The following MGAT4C variants were observed in gnomAD, a reference collection of about 807,000 sequenced individuals.
MGAT4C encodes MGAT4 family member C.
In MGAT4C, 19 loss-of-function variants were observed where a neutral mutation model predicts 40.1. The observed-to-expected ratio is 0.47, with a 90% CI of 0.33 to 0.70. The LOEUF is 0.70. Ranked by LOEUF, MGAT4C falls within the 30% of genes least tolerant of loss-of-function variation. The pLI is 0.02. For missense variants in MGAT4C, 491 were observed against 563.2 expected (o/e 0.87, Z 1.30); for synonymous variants, 181 against 187.1 (o/e 0.97, Z 0.27).
At chr12:86,683,705 C>T (rs1270654561) in intron 2 of MGAT4C, among the ~76,000 whole-genome samples, 1 of 152,156 alleles carries the variant, frequency 6.6e-6, no homozygotes, top group Non-Finnish European at 1.5e-5. Context: ...ACTCACTCTC[C>T]CAATCCCTTG....
At chr12:86,169,811 C>G (rs1021618865) in intron 1 of MGAT4C, among the ~76,000 whole-genome samples, 1 of 152,030 alleles carries the variant, frequency 6.6e-6, no homozygotes, top group Admixed American at 6.6e-5. Flanking sequence ...CAAAAACTAC[C>G]AAAGCCCAGA....
chr12:86,286,646 G>T (rs145413260), intron 4 of MGAT4C, among the ~76,000 whole-genome samples: 4 of 152,198 alleles, frequency 2.6e-5, no homozygotes, highest in African/African-American at 7.2e-5. Context: ...TTGGTAAATT[G>T]TGTGCTGCAG....
chr12:86,449,819 A>G (rs1957395158), intron 2 of MGAT4C, among the ~76,000 whole-genome samples: 1 of 152,132 alleles, frequency 6.6e-6, no homozygotes, highest in South Asian at 2.1e-4. Flanking sequence ...ACCACATCTA[A>G]TTTACCCATT....
chr12:86,411,547 A>G (rs928822171), intron 3 of MGAT4C, among the ~76,000 whole-genome samples: 1 of 152,190 alleles, frequency 6.6e-6, no homozygotes, highest in Non-Finnish European at 1.5e-5. Context: ...AACATTCAAG[A>G]TATATCCTGG....
At chr12:86,784,814 A>G (rs999721089) in intron 1 of MGAT4C, among the ~76,000 whole-genome samples, 1 of 152,030 alleles carries the variant, frequency 6.6e-6, no homozygotes, top group African/African-American at 2.4e-5. Flanking sequence ...CATACCTGTT[A>G]CTTAAAGGGT....
chr12:86,399,517 G>A (rs1190558489), intron 3 of MGAT4C, among the ~76,000 whole-genome samples: 3 of 152,070 alleles, frequency 2.0e-5, no homozygotes, highest in Non-Finnish European at 4.4e-5. Context: ...TCCTGACCTC[G>A]TGATCTGCCT....
chr12:86,020,578 C>A (rs564800812), intron 2 of MGAT4C, among the ~76,000 whole-genome samples: 1 of 152,148 alleles, frequency 6.6e-6, no homozygotes, highest in East Asian at 1.9e-4. Context: ...TTTACACAAA[C>A]ATTAATTCAA....
intron 1 of MGAT4C, among the ~76,000 whole-genome samples, chr12:86,144,163 T>C (rs1268296072): frequency 6.6e-6 from 1 of 152,234 alleles, no homozygotes; most frequent in African/African-American, 2.4e-5. Flanking sequence ...TTTACGTTTT[T>C]TACATAAGCC....
At chr12:86,203,339 T>C (rs1325464470) in intron 1 of MGAT4C, among the ~76,000 whole-genome samples, 1 of 152,134 alleles carries the variant, frequency 6.6e-6, no homozygotes, top group Non-Finnish European at 1.5e-5. Flanking sequence ...GCTCCAGTAC[T>C]GTATGACCTC....
At chr12:86,733,673 A>G (rs1313465680) in intron 1 of MGAT4C, among the ~76,000 whole-genome samples, 4 of 152,110 alleles carry the variant, frequency 2.6e-5, no homozygotes, top group Non-Finnish European at 4.4e-5. Context: ...ATGCCTCACC[A>G]TCTAATATAA....
chr12:86,112,357 T>C (rs1354170023), intron 1 of MGAT4C, among the ~76,000 whole-genome samples: 1 of 151,598 alleles, frequency 6.6e-6, no homozygotes, highest in Non-Finnish European at 1.5e-5. Flanking sequence ...CAATGAGACG[T>C]ACTTAATGTC....
In MGAT4C at chr12:85,970,452, G is replaced by A. The variant is rs1410741943; in HGVS notation, c.*8837C>T. 2.0e-5 allele frequency: 3 copies of A among 151,208 alleles called. No individual in the cohort carries two copies. Among genetic ancestry groups the A allele is most frequent in the Non-Finnish European group, 3.0e-5 (2 of 67,378 alleles). The allele number at this position is 151,208 out of a possible 1,614,324, so 9.4% of individuals were successfully genotyped here. A position where few individuals can be genotyped will look rare whatever the true frequency, so the allele number is the denominator to read the frequency against. On this transcript the variant is annotated 3_prime_UTR_variant, in exon 5 of 5. Transcript: ENST00000611864. ...ACTGTTAAATTGATTATGAACGTAGGCACATTACTTATAAATCCCCTTATG... is the reference window on the plus strand; with the variant it reads ...ACTGTTAAATTGATTATGAACGTAGACACATTACTTATAAATCCCCTTATG...
chr12:86,067,620 T>C (rs1592838437), intron 1 of MGAT4C, among the ~76,000 whole-genome samples: 2 of 152,014 alleles, frequency 1.3e-5, no homozygotes, highest in Admixed American at 6.6e-5. Flanking sequence ...GACGGGTTGA[T>C]GGGTGCAGCA....
chr12:86,682,926 C>G (rs947029780), intron 2 of MGAT4C, among the ~76,000 whole-genome samples: 3 of 152,304 alleles, frequency 2.0e-5, no homozygotes, highest in Admixed American at 2.0e-4. Context: ...TTGTTTTTAT[C>G]TATTTCCCTT....
At chr12:86,175,914 T>C (rs1418869966) in intron 1 of MGAT4C, among the ~76,000 whole-genome samples, 2 of 151,528 alleles carry the variant, frequency 1.3e-5, no homozygotes, top group African/African-American at 4.9e-5. Context: ...GAGCTTGCAG[T>C]GAGCCGATAT....
intron 1 of MGAT4C, among the ~76,000 whole-genome samples, chr12:86,066,467 C>T (rs10431480): frequency 0.8 from 122,150 of 151,986 alleles, 49,764 homozygotes; most frequent in East Asian, 0.97. Context: ...GGGAAAAGAT[C>T]CCCTATTTAA....
intron 2 of MGAT4C, among the ~76,000 whole-genome samples, chr12:86,564,581 G>A (rs891725780): frequency 2.0e-5 from 3 of 152,162 alleles, no homozygotes; most frequent in Non-Finnish European, 2.9e-5. Context: ...AAATAAATCC[G>A]ACTAAAATTC....
At chr12:86,096,060 T>G (rs1873854593) in intron 1 of MGAT4C, among the ~76,000 whole-genome samples, 2 of 151,886 alleles carry the variant, frequency 1.3e-5, no homozygotes. Context: ...AATTCTTGGC[T>G]TATATTTTAT....
At chr12:86,780,926 T>C (rs547034253) in intron 1 of MGAT4C, among the ~76,000 whole-genome samples, 12 of 152,200 alleles carry the variant, frequency 7.9e-5, no homozygotes, top group Admixed American at 5.2e-4. Context: ...TTTCTGTTTC[T>C]GAATTATTAC....
Sources: gnomAD v4.1 joint callset for allele counts (sites outside exome capture counted in the v4.1 genomes callset) on GRCh38, gnomAD v4.1.1 for gene constraint, MANE v1.5 for transcripts, NCBI Gene and HGNC (gene_info 2026-07-23, HGNC 2026-07-21) for gene names.